AOPEP: variants seen among roughly 807,000 people sequenced by gnomAD.
AOPEP encodes the protein aminopeptidase O (putative).
Under a neutral mutation model 98.1 loss-of-function variants are expected in AOPEP, and 77 were observed. The observed-to-expected ratio is 0.78, with a 90% CI of 0.65 to 0.95. The LOEUF (loss-of-function observed/expected upper bound fraction) is 0.95. Among genes scored for constraint, AOPEP ranks in the 40% least tolerant of loss-of-function variants. The pLI, the probability that AOPEP is intolerant of heterozygous loss-of-function variation, is 0.00. For synonymous variants in AOPEP, 346 were observed against 365.3 expected, an observed-to-expected ratio of 0.95 and a Z score of 0.60; for missense variants, 1,024 against 1,024.7, an observed-to-expected ratio of 1.00 and a Z score of 0.01.
rs749407960 is a variant in AOPEP at position 95,082,596 on chromosome 9, G to T, written c.2341G>T (p.Gly781Trp). 2.5e-6 allele frequency: 4 copies of T among 1,614,050 alleles called. No homozygotes were observed. In the Admixed American group the frequency reaches 5.0e-5, roughly 20 times the overall value. ...EDQAMGVYLY[G>W]ELMVSEDARQ... ...GCAGGCCATGGGTGTGTACCTCTAC[G>T]GGGAGCTGATGGTGAGTGAGGACGC... Residue 781 changes from glycine (G) to tryptophan (W), a missense_variant, in exon 16 of 17, where the codon GGG becomes TGG. Transcript: ENST00000375315.
At chr9:94,949,048 A>T (rs562846867) in intron 7 of AOPEP, among the ~76,000 whole-genome samples, 1 of 152,310 alleles carries the variant, frequency 6.6e-6, no homozygotes, top group South Asian at 2.1e-4. Flanking sequence ...GTGCAGTCAC[A>T]TGGGTGTCTT....
At chr9:94,992,855 T>C (rs1281635736) in intron 11 of AOPEP, among the ~76,000 whole-genome samples, 1 of 152,258 alleles carries the variant, frequency 6.6e-6, no homozygotes, top group African/African-American at 2.4e-5. Context: ...CCTTGGAACC[T>C]GTAGAATTGC....
At chr9:94,938,502 A>G (rs1312108256) in intron 7 of AOPEP, among the ~76,000 whole-genome samples, 1 of 152,238 alleles carries the variant, frequency 6.6e-6, no homozygotes, top group Non-Finnish European at 1.5e-5. Context: ...GGATAGTAAG[A>G]AAGGATACCA....
intron 9 of AOPEP, among the ~76,000 whole-genome samples, chr9:94,958,903 T>C (rs1419908855): frequency 2.6e-5 from 4 of 152,332 alleles, no homozygotes; most frequent in Non-Finnish European, 1.5e-5. Flanking sequence ...ATCTATTTTC[T>C]CTTTGGTTTA....
intron 13 of AOPEP, among the ~76,000 whole-genome samples, chr9:95,013,762 T>TC: frequency 6.6e-6 from 1 of 152,298 alleles, no homozygotes; most frequent in Non-Finnish European, 1.5e-5. Flanking sequence ...AAATAAGAAA[T>TC]CCTTGGTTCA....
At chr9:95,118,414 A>C in the AOPEP span, among the ~76,000 whole-genome samples, 1 of 152,400 alleles carries the variant, frequency 6.6e-6, no homozygotes, top group African/African-American at 2.4e-5. Context: ...AGGGGCACAG[A>C]AGCTTTTTTA....
chr9:95,068,765 AAG>A (rs1341892727), intron 14 of AOPEP, among the ~76,000 whole-genome samples: 1 of 152,150 alleles, frequency 6.6e-6, no homozygotes, highest in Admixed American at 6.5e-5. Flanking sequence ...TTATTTTTAA[AAG>A]CCTGTTTCTC....
At chr9:94,901,060 A>C (rs2050325376) in intron 5 of AOPEP, among the ~76,000 whole-genome samples, 1 of 146,672 alleles carries the variant, frequency 6.8e-6, no homozygotes, top group South Asian at 2.4e-4. Context: ...TTTTATTTGT[A>C]ATTCATGCGA....
intron 1 of AOPEP, among the ~76,000 whole-genome samples, chr9:94,745,107 A>G (rs1390662380): frequency 6.6e-6 from 1 of 152,122 alleles, no homozygotes. Context: ...GTTATTCTAA[A>G]ATGCAAAACA....
intron 13 of AOPEP, among the ~76,000 whole-genome samples, chr9:95,018,157 G>C (rs1180202329): frequency 6.6e-6 from 1 of 152,164 alleles, no homozygotes. Context: ...CCTAGGCATT[G>C]AATGGCTTGG....
chr9:94,747,722 G>C (rs1834840647), intron 1 of AOPEP, among the ~76,000 whole-genome samples: 2 of 152,148 alleles, frequency 1.3e-5, no homozygotes, highest in Admixed American at 1.3e-4. Flanking sequence ...AGGGTACCAG[G>C]AACAATTTTT....
chr9:95,096,782 G>C, the AOPEP span, among the ~76,000 whole-genome samples: 3 of 152,364 alleles, frequency 2.0e-5, no homozygotes, highest in South Asian at 6.2e-4. Context: ...TCACACCAAA[G>C]TATGTGTCAG....
chr9:94,963,833 G>T (rs1457902133), intron 9 of AOPEP, among the ~76,000 whole-genome samples: 1 of 152,218 alleles, frequency 6.6e-6, no homozygotes, highest in African/African-American at 2.4e-5. Context: ...AAGAGGTGGT[G>T]CAGGAAGGAA....
chr9:94,954,268 G>A (rs1192067133), intron 7 of AOPEP, among the ~76,000 whole-genome samples: 3 of 152,172 alleles, frequency 2.0e-5, no homozygotes, highest in Non-Finnish European at 4.4e-5. Flanking sequence ...AGGTTGCAGT[G>A]AGCCAAGATC....
intron 13 of AOPEP, chr9:95,005,918 A>C: frequency 1.9e-6 from 1 of 534,096 alleles, no homozygotes; most frequent in Non-Finnish European, 3.6e-6. Context: ...TCTCAGTGTT[A>C]AGGTACCTCT....
rs964283894 is a variant in AOPEP, at chr9:94,944,412, C to T, written c.1662-10765C>T. Among the ~76,000 whole-genome samples the T allele has an allele frequency of 5.9e-5, 9 of 152,094 alleles. 1 individual carries two copies. In the South Asian group the frequency reaches 6.2e-4, roughly 11 times the overall value. ...AATATTAATCAGCCATAAAAAGGAACGGAGTACTGATACTTGCTGCAGCAA... is the reference window on the plus strand; with the variant it reads ...AATATTAATCAGCCATAAAAAGGAATGGAGTACTGATACTTGCTGCAGCAA... On this transcript the variant is annotated intron_variant, in intron 7 of 16. Coordinates refer to ENST00000375315, the MANE Select transcript of AOPEP (RefSeq NM_001193329.3).
intron 10 of AOPEP, among the ~76,000 whole-genome samples, chr9:94,970,105 C>G (rs1177377451): frequency 6.6e-6 from 1 of 152,188 alleles, no homozygotes; most frequent in African/African-American, 2.4e-5. Context: ...GTGTAAACTT[C>G]TCTTTCACCT....
chr9:95,077,707 C>T (rs1361564654), intron 14 of AOPEP, among the ~76,000 whole-genome samples: 1 of 152,140 alleles, frequency 6.6e-6, no homozygotes, highest in Non-Finnish European at 1.5e-5. Context: ...CTTTCACGAC[C>T]TTGAAGCCCC....
In AOPEP at chr9:94,894,509, C is replaced by T. The variant is rs577659566; in HGVS notation, c.1365-29477C>T. On this transcript the variant is annotated intron_variant, in intron 5 of 16. Transcript: ENST00000375315. ...ACATATGAGTCACCAAAAATTGATA[C>T]CGAATGAATTATTAGACAACCTAAG... Among the ~76,000 whole-genome samples, 7 of 152,112 alleles carry T rather than the reference C, an allele frequency of 4.6e-5. No individual in the cohort carries two copies. In the East Asian group the frequency reaches 1.2e-3, roughly 25 times the overall value.
Sources: gnomAD v4.1 joint callset for allele counts (sites outside exome capture counted in the v4.1 genomes callset) on GRCh38, gnomAD v4.1.1 for gene constraint, MANE v1.5 for transcripts, NCBI Gene and HGNC (gene_info 2026-07-23, HGNC 2026-07-21) for gene names.